The following CLNK variants were observed in gnomAD, a reference collection of about 807,000 sequenced individuals.
The protein encoded by CLNK is cytokine dependent hematopoietic cell linker, also known as cytokine-dependent hematopoietic cell linker.
In CLNK, 74 loss-of-function variants were observed where a neutral mutation model predicts 68.6. That is an observed-to-expected ratio of 1.08 (90% CI 0.89 to 1.31). The LOEUF (loss-of-function observed/expected upper bound fraction) is 1.31. Among genes scored for constraint, CLNK ranks in the 50% most tolerant of loss-of-function variants. CLNK has a pLI of 0.00. For missense variants in CLNK, 553 were observed against 515.3 expected (o/e 1.07, Z -0.71); for synonymous variants, 198 against 172.2 (o/e 1.15, Z -1.17).
intron 4 of CLNK, among the ~76,000 whole-genome samples, chr4:10,582,619 G>A (rs1309922089): frequency 2.0e-5 from 3 of 152,032 alleles, no homozygotes; most frequent in African/African-American, 4.8e-5. Flanking sequence ...CCTCCGAGAA[G>A]GTATTGACCT....
At chr4:10,512,820 A>C (rs779635502) in intron 16 of CLNK, among the ~76,000 whole-genome samples, 1 of 151,422 alleles carries the variant, frequency 6.6e-6, no homozygotes, top group Non-Finnish European at 1.5e-5. Context: ...GAAAGCATAC[A>C]AGATACAGTG....
chr4:10,564,772 G>A lies in CLNK; in HGVS notation c.298C>T (p.His100Tyr). Reference protein sequence around the residue: ...PIKESEYADTHYFKVAMDTPL... With the variant: ...PIKESEYADTYYFKVAMDTPL... ...GTGTCCATTGCAACCTTGAAATAGT[G>A]TGTATCTATGCAAACAGAAAAATAT... Residue 100 changes from histidine (H) to tyrosine (Y), a missense_variant, in exon 7 of 19, where the codon CAC (histidine) becomes TAC (tyrosine). Coordinates refer to ENST00000226951, the MANE Select transcript of CLNK (RefSeq NM_052964.4). The A allele has an allele frequency of 1.3e-6, 2 of 1,592,526 alleles. No individual in the cohort carries two copies. Among genetic ancestry groups the A allele is most frequent in the Non-Finnish European group, 1.7e-6 (2 of 1,160,386 alleles).
At chr4:10,499,740 A>G (rs1333956391) in intron 18 of CLNK, among the ~76,000 whole-genome samples, 2 of 152,142 alleles carry the variant, frequency 1.3e-5, no homozygotes, top group Non-Finnish European at 2.9e-5. Flanking sequence ...CTGAAGTCCC[A>G]AGGTCAAGGT....
At chr4:10,637,898 C>A (rs777161855) in intron 2 of CLNK, among the ~76,000 whole-genome samples, 1 of 151,936 alleles carries the variant, frequency 6.6e-6, no homozygotes. Context: ...CATCATTCTG[C>A]GCCCGGCCCA....
At chr4:10,676,852 C>T (rs1309929679) in intron 1 of CLNK, among the ~76,000 whole-genome samples, 2 of 151,762 alleles carry the variant, frequency 1.3e-5, no homozygotes, top group East Asian at 1.9e-4. Flanking sequence ...CTTCTCTCTG[C>T]TCTTATTATT....
chr4:10,688,113 G>A (rs1394190548), upstream of CLNK, among the ~76,000 whole-genome samples: 2 of 152,180 alleles, frequency 1.3e-5, no homozygotes, highest in African/African-American at 4.8e-5. Flanking sequence ...GGGCTAGCAT[G>A]TGCCTGGCTA....
chr4:10,600,275 G>C (rs1273741057), intron 2 of CLNK, among the ~76,000 whole-genome samples: 1 of 152,120 alleles, frequency 6.6e-6, no homozygotes, highest in Non-Finnish European at 1.5e-5. Flanking sequence ...CTTCCCTGCT[G>C]CTTCCGCTTT....
At chr4:10,564,814 G>A (rs761278546) in intron 6 of CLNK, 37 bp from the exon 7 acceptor site, 5 of 1,222,632 alleles carry the variant, frequency 4.1e-6, no homozygotes, top group South Asian at 1.2e-5. Context: ...CATACCTTAC[G>A]TGGACTCAGC....
chr4:10,537,768 T>TCTTC (rs57820496), intron 11 of CLNK, among the ~76,000 whole-genome samples: 54 of 145,848 alleles, frequency 3.7e-4, no homozygotes, highest in Non-Finnish European at 5.7e-4. Context: ...TTTCTCTCTC[T>TCTTC]CTTCCTTCCT....
chr4:10,662,524 T>C (rs1724234149), intron 2 of CLNK, among the ~76,000 whole-genome samples: 1 of 152,206 alleles, frequency 6.6e-6, no homozygotes, highest in Non-Finnish European at 1.5e-5. Flanking sequence ...TCAAATTAGC[T>C]ACAAAAACCT....
At chr4:10,543,054 G>A (rs1719099238) in intron 8 of CLNK, among the ~76,000 whole-genome samples, 1 of 152,164 alleles carries the variant, frequency 6.6e-6, no homozygotes, top group African/African-American at 2.4e-5. Context: ...GCTCCTAGCT[G>A]GGGTGTTCAC....
chr4:10,586,338 T>C (rs1483771421), intron 3 of CLNK, among the ~76,000 whole-genome samples: 2 of 534 alleles, frequency 3.7e-3, no homozygotes, highest in Non-Finnish European at 0.1. Flanking sequence ...TTTTTTTTCT[T>C]TTTTTTTTTT....
the CLNK span, chr4:10,696,989 C>T: frequency 6.6e-6 from 1 of 152,178 alleles, no homozygotes; most frequent in African/African-American, 2.4e-5. Flanking sequence ...TTCTTATGCA[C>T]ATTATAGTCT....
the CLNK span, among the ~76,000 whole-genome samples, chr4:10,702,315 T>C: frequency 6.6e-6 from 1 of 151,474 alleles, no homozygotes; most frequent in Admixed American, 6.6e-5. Context: ...ATGCACAAAG[T>C]AGACTTGAAA....
intron 18 of CLNK, among the ~76,000 whole-genome samples, chr4:10,495,837 A>C (rs1716788709): frequency 6.8e-6 from 1 of 146,534 alleles, no homozygotes. Flanking sequence ...AGAGAGAGAG[A>C]TGAGGAGAAG....
Position 10,651,344 on chromosome 4 carries a change from C to T in CLNK, c.11+16515G>A, listed in dbSNP as rs1225763281. Among the ~76,000 whole-genome samples the T allele has an allele frequency of 1.1e-4, 16 of 152,250 alleles. No individual in the cohort carries two copies. In the East Asian group the frequency reaches 1.2e-3, roughly 11 times the overall value. ...CTGGATAAAGAAAATGTGGCACATACATACCATGGAATACTGTGCAGCCAT... is the reference window on the plus strand; with the variant it reads ...CTGGATAAAGAAAATGTGGCACATATATACCATGGAATACTGTGCAGCCAT... On this transcript the variant is annotated intron_variant, in intron 2 of 18. Coordinates refer to ENST00000226951, the MANE Select transcript of CLNK (RefSeq NM_052964.4).
At chr4:10,653,205 G>A (rs564333437) in intron 2 of CLNK, among the ~76,000 whole-genome samples, 16 of 152,220 alleles carry the variant, frequency 1.1e-4, no homozygotes, top group African/African-American at 3.9e-4. Context: ...TGGGGGGCTA[G>A]GGGAGGGATA....
At chr4:10,722,401 C>T in the CLNK span, among the ~76,000 whole-genome samples, 1 of 152,176 alleles carries the variant, frequency 6.6e-6, no homozygotes, top group South Asian at 2.1e-4. Flanking sequence ...CTCAGCTGGG[C>T]TTTATGTGCT....
At position 10,682,680 on chromosome 4, in the gene CLNK, A is replaced by G. The variant is rs140272357; in HGVS notation, c.-43+1988T>C. 4.1e-3 allele frequency among the ~76,000 whole-genome samples: 631 copies of G among 152,298 alleles called. 7 individuals carry two copies. The highest frequency in any genetic ancestry group is 0.014 in the African/African-American group (590 of 41,564). On this transcript the variant is annotated intron_variant, in intron 1 of 18. Coordinates refer to ENST00000226951, the MANE Select transcript of CLNK (RefSeq NM_052964.4). ...CACTAGATTCATGTCCATTTTTGACAATCTCAAAGCCCTGTTTCTTTCCAT... is the reference window on the plus strand; with the variant it reads ...CACTAGATTCATGTCCATTTTTGACGATCTCAAAGCCCTGTTTCTTTCCAT...
Sources: gnomAD v4.1 joint callset for allele counts (sites outside exome capture counted in the v4.1 genomes callset) on GRCh38, gnomAD v4.1.1 for gene constraint, MANE v1.5 for transcripts, NCBI Gene and HGNC (gene_info 2026-07-23, HGNC 2026-07-21) for gene names.